The following ATP1A1 variants were observed in gnomAD, a reference collection of about 807,000 sequenced individuals.
ATP1A1 encodes the protein ATPase Na+/K+ transporting subunit alpha 1, also known as sodium/potassium-transporting ATPase subunit alpha-1.
Under a neutral mutation model 114.8 loss-of-function variants are expected in ATP1A1, and 14 were observed. That is an observed-to-expected ratio of 0.12 (90% confidence interval 0.08 to 0.19). The LOEUF (loss-of-function observed/expected upper bound fraction) is 0.19, where lower values mean the gene tolerates loss of function less well. Ranked by LOEUF, ATP1A1 falls within the 10% of genes least tolerant of loss-of-function variation. ATP1A1 has a pLI of 1.00. For synonymous variants in ATP1A1, 471 were observed against 466.3 expected (o/e 1.01, Z -0.13); for missense variants, 524 against 1,290.7 (o/e 0.41, Z 9.10).
chr1:116,376,979 G>C (rs550454003), intron 1 of ATP1A1, among the ~76,000 whole-genome samples: 1 of 152,280 alleles, frequency 6.6e-6, no homozygotes, highest in South Asian at 2.1e-4. Flanking sequence ...CTCAGTCATT[G>C]TTTTCGGATT....
In ATP1A1 at chr1:116,388,360, GA is replaced by G; in HGVS notation, c.501+117del. 9.7e-7 allele frequency: 1 copy of G among 1,028,930 alleles called. No homozygotes were observed. Among genetic ancestry groups the G allele is most frequent in the South Asian group, 1.4e-5 (1 of 70,482 alleles). 63.7% of individuals were successfully genotyped at this position (1,028,930 alleles called of 1,614,324 possible). Reference sequence around the variant, plus strand: ...TATTACATGACTCATCAGAGAGATGGATGTCTTCTACCCCACCCAAAACCAA... The same window carrying G: ...TATTACATGACTCATCAGAGAGATGGTGTCTTCTACCCCACCCAAAACCAA... On this transcript the variant is annotated intron_variant, in intron 5 of 22. Coordinates refer to ENST00000295598, the MANE Select transcript of ATP1A1 (RefSeq NM_000701.8). The surrounding 1 kb of genome is among the most constrained non-coding windows in gnomAD (Gnocchi z 5.6).
rs1321578905 is a variant in ATP1A1, at chr1:116,389,013, G to A, written c.748G>A (p.Val250Ile). The change falls in exon 7 of 23, where the codon GTT (valine) becomes ATT (isoleucine). Residue 250 changes from valine (V) to isoleucine (I), a missense_variant. Transcript: ENST00000295598. The surrounding 1 kb of genome is among the most constrained non-coding windows in gnomAD (Gnocchi z 6.9). ...RNIAFFSTNCVEGTARGIVVY... is the reference protein window; with the variant it reads ...RNIAFFSTNCIEGTARGIVVY... ...CATTGCCTTCTTTTCAACCAATTGT[G>A]TTGAAGGTAGGCCATTTTTGGGCAC... 2 of 1,613,902 alleles carry A rather than the reference G, an allele frequency of 1.2e-6. No individual in the cohort carries two copies. The highest frequency in any genetic ancestry group is 1.7e-5 in the Admixed American group (1 of 60,020).
In ATP1A1 at chr1:116,393,501, C is replaced by T. The variant is rs765411583; in HGVS notation, c.1468-30C>T. The T allele has an allele frequency of 2.5e-6, 4 of 1,587,110 alleles. No homozygotes were observed. Among genetic ancestry groups the T allele is most frequent in the South Asian group, 1.1e-5 (1 of 88,338 alleles). On this transcript the variant is annotated intron_variant, in intron 11 of 22. Coordinates refer to ENST00000295598, the MANE Select transcript of ATP1A1 (RefSeq NM_000701.8). This position sits in a 1 kb window ranked among gnomAD's most constrained non-coding sequence, Gnocchi z 5.0. ...ATGGACTGCCACACATCCAACCATC[C>T]AATGTTTATGTCTCAACAATCCTTC...
intron 1 of ATP1A1, 43 bp from the exon 2 acceptor site, chr1:116,383,971 G>A (rs1247328951): frequency 6.6e-7 from 1 of 1,522,442 alleles, no homozygotes; most frequent in East Asian, 2.3e-5. Context: ...TTTCAGATGA[G>A]GTTCATAATT....
Position 116,401,192 on chromosome 1 carries a change from G to A in ATP1A1, c.2781G>A (p.Val927=). Residue 927 remains valine (V), a synonymous_variant, in exon 20 of 23, where the codon GTG becomes GTA. Transcript: ENST00000295598. This position sits in a 1 kb window ranked among gnomAD's most constrained non-coding sequence, Gnocchi z 4.7. ...TCHTAFFVSI[V]VVQWADLVIC... ...ACACAGCCTTCTTCGTCAGTATCGT[G>A]GTGGTGCAGTGGGCCGACTTGGTCA... 6.2e-7 allele frequency: 1 copy of A among 1,614,192 alleles called. No individual in the cohort carries two copies. The highest frequency in any genetic ancestry group is 8.5e-7 in the Non-Finnish European group (1 of 1,180,034).
In ATP1A1 at chr1:116,389,351, T is replaced by A; in HGVS notation, c.755-88T>A. Reference sequence around the variant, plus strand: ...GCTTTTATCAACTCTTTTTGTTTTTTTAGTCATCCTATGTAATTGTGTAAA... The same window carrying A: ...GCTTTTATCAACTCTTTTTGTTTTTATAGTCATCCTATGTAATTGTGTAAA... On this transcript the variant is annotated intron_variant, in intron 7 of 22. Coordinates refer to ENST00000295598, the MANE Select transcript of ATP1A1 (RefSeq NM_000701.8). The surrounding 1 kb of genome is among the most constrained non-coding windows in gnomAD (Gnocchi z 6.9). 5 of 1,523,942 alleles carry A rather than the reference T, an allele frequency of 3.3e-6. No homozygotes were observed. The highest frequency in any genetic ancestry group is 1.8e-6 in the Non-Finnish European group (2 of 1,129,166). 94.4% of individuals were successfully genotyped at this position (1,523,942 alleles called of 1,614,324 possible).
At chr1:116,383,254 C>A (rs1054590183) in intron 1 of ATP1A1, 8 of 544,406 alleles carry the variant, frequency 1.5e-5, no homozygotes, top group Middle Eastern at 3.6e-4. Flanking sequence ...ATGGGCTGGG[C>A]GCTCCCTTTT....
At chr1:116,392,771 T>C in intron 10 of ATP1A1, 83 bp from the exon 11 acceptor site, 1 of 1,511,146 alleles carries the variant, frequency 6.6e-7, no homozygotes, top group Non-Finnish European at 9.0e-7. Context: ...TTGGAATGTG[T>C]CTTGAGTTAT....
intron 8 of ATP1A1, 54 bp from the exon 9 acceptor site, chr1:116,390,159 G>A (rs902099952): frequency 8.4e-6 from 13 of 1,542,368 alleles, no homozygotes; most frequent in East Asian, 2.2e-5. Flanking sequence ...GCAAGAATCT[G>A]TATAGAATTC....
In ATP1A1 at chr1:116,397,965, A is replaced by T. The variant is rs1383372068; in HGVS notation, c.2051A>T (p.Tyr684Phe). The T allele has an allele frequency of 2.5e-6, 4 of 1,613,664 alleles. No homozygotes were observed. The Admixed American group carries it at 6.7e-5, about 27-fold the overall frequency. Residue 684 changes from tyrosine (Y) to phenylalanine (F), a missense_variant, in exon 15 of 23, where the codon TAC becomes TTC. By Grantham distance (22) the Tyr-to-Phe change is conservative. This residue lies in a region of ATP1A1 where 47 missense variants were observed against 79.8 expected (regional missense o/e 0.59). Transcript: ENST00000295598. This position sits in a 1 kb window ranked among gnomAD's most constrained non-coding sequence, Gnocchi z 4.2. ...TSEQLDDILK[Y>F]HTEIVFARTS... ...GAGCAGCTGGATGACATTTTGAAGTACCACACTGAGATAGTGTTTGCCAGG... is the reference window on the plus strand; with the variant it reads ...GAGCAGCTGGATGACATTTTGAAGTTCCACACTGAGATAGTGTTTGCCAGG...
chr1:116,400,781 C>T (rs1460827202), intron 18 of ATP1A1, 80 bp from the exon 19 acceptor site: 5 of 1,536,764 alleles, frequency 3.3e-6, no homozygotes, highest in African/African-American at 1.4e-5. Context: ...TCTCCCAGGC[C>T]TGCTGCAGTA....
At position 116,387,228 on chromosome 1, in the gene ATP1A1, G is replaced by C; in HGVS notation, c.184-60G>C. 1 of 1,577,140 alleles carries C rather than the reference G, an allele frequency of 6.3e-7. No homozygotes were observed. The highest frequency in any genetic ancestry group is 8.7e-7 in the Non-Finnish European group (1 of 1,150,404). On this transcript the variant is annotated intron_variant, in intron 3 of 22. Coordinates refer to ENST00000295598, the MANE Select transcript of ATP1A1 (RefSeq NM_000701.8). This position sits in a 1 kb window ranked among gnomAD's most constrained non-coding sequence, Gnocchi z 6.7. Reference sequence around the variant, plus strand: ...ATTGCAACCGTCCAGCTACCAGGTAGGTATATTGCCTTGTAAGTGCTGGTA... The same window carrying C: ...ATTGCAACCGTCCAGCTACCAGGTACGTATATTGCCTTGTAAGTGCTGGTA...
Position 116,393,093 on chromosome 1 carries a change from G to C in ATP1A1, c.1467+105G>C. ...ATATTCTCCCTTTGGAGTTTTATAA[G>C]CTTTAGCTTTAAATTTTGCCCTTGA... On this transcript the variant is annotated intron_variant, in intron 11 of 22. Transcript: ENST00000295598. The surrounding 1 kb of genome is among the most constrained non-coding windows in gnomAD (Gnocchi z 5.0). 4 of 1,491,036 alleles carry C rather than the reference G, an allele frequency of 2.7e-6. No individual in the cohort carries two copies. The East Asian group carries it at 7.0e-5, about 26-fold the overall frequency. 92.4% of individuals were successfully genotyped at this position (1,491,036 alleles called of 1,614,324 possible).
At position 116,393,739 on chromosome 1, in the gene ATP1A1, G is replaced by A. The variant is rs747576266; in HGVS notation, c.1660+16G>A. On this transcript the variant is annotated intron_variant, in intron 12 of 22. Coordinates refer to ENST00000295598, the MANE Select transcript of ATP1A1 (RefSeq NM_000701.8). This position sits in a 1 kb window ranked among gnomAD's most constrained non-coding sequence, Gnocchi z 5.0. ...CGAGTCCTAGGTATGCAGATAACCT[G>A]GTAACAGAGTGCCTGGGCACGTTTT... The A allele has an allele frequency of 6.2e-7, 1 of 1,607,146 alleles. No homozygotes were observed. The highest frequency in any genetic ancestry group is 1.1e-5 in the South Asian group (1 of 90,566).
At chr1:116,376,933 T>C (rs1258179087) in intron 1 of ATP1A1, among the ~76,000 whole-genome samples, 2 of 152,216 alleles carry the variant, frequency 1.3e-5, no homozygotes, top group Non-Finnish European at 2.9e-5. Flanking sequence ...TATAGCACAA[T>C]AGGCTTGGCA....
In ATP1A1 at chr1:116,384,713, A is replaced by G; in HGVS notation, c.124-70A>G. On this transcript the variant is annotated intron_variant, in intron 2 of 22. Coordinates refer to ENST00000295598, the MANE Select transcript of ATP1A1 (RefSeq NM_000701.8). The surrounding 1 kb of genome is among the most constrained non-coding windows in gnomAD (Gnocchi z 5.1). ...ATAAGCTTAATGATAGTAATGAATA[A>G]TGCTATTTTTTCTGTCATTTTTTTA... is the stretch of plus-strand genomic sequence containing the variant. 7.6e-7 allele frequency: 1 copy of G among 1,308,556 alleles called. No individual in the cohort carries two copies. Among genetic ancestry groups the G allele is most frequent in the Non-Finnish European group, 1.1e-6 (1 of 928,254 alleles). The allele number at this position is 1,308,556 out of a possible 1,614,324, so 81.1% of individuals were successfully genotyped here. A position where few individuals can be genotyped will look rare whatever the true frequency, so the allele number is the denominator to read the frequency against.
intron 1 of ATP1A1, chr1:116,374,238 T>C (rs1651201876): frequency 4.5e-6 from 7 of 1,551,694 alleles, no homozygotes; most frequent in Non-Finnish European, 6.1e-6. Flanking sequence ...AGATGGCCTT[T>C]AAGGTATACT....
chr1:116,378,591 G>A (rs1446316604), intron 1 of ATP1A1, among the ~76,000 whole-genome samples: 1 of 152,112 alleles, frequency 6.6e-6, no homozygotes, highest in Non-Finnish European at 1.5e-5. Context: ...GCACTTTGGG[G>A]TTATCCTCTT....
chr1:116,373,556 G>T, intron 1 of ATP1A1, 33 bp downstream of exon 1: 2 of 1,434,132 alleles, frequency 1.4e-6, no homozygotes, highest in South Asian at 1.5e-5. Context: ...GAGGGGGCTC[G>T]GGGAGCCCTC....
Sources: allele counts gnomAD v4.1 joint callset (sites outside exome capture counted in the v4.1 genomes callset), GRCh38; gene constraint gnomAD v4.1.1; regional missense constraint gnomAD v4.1.1; non-coding constraint Gnocchi (gnomAD v3.1); transcripts MANE v1.5; gene names NCBI Gene and HGNC (gene_info 2026-07-23, HGNC 2026-07-21).